The following NT5M variants were observed in gnomAD, a reference collection of about 807,000 sequenced individuals.
NT5M encodes 5',3'-nucleotidase, mitochondrial.
A neutral mutation model predicts 22.2 loss-of-function variants in NT5M; 22 were observed. The ratio of observed to expected loss-of-function variants is 0.99; its 90% CI spans 0.71 to 1.41. The LOEUF (loss-of-function observed/expected upper bound fraction) is 1.41, where lower values mean the gene tolerates loss of function less well. Among genes scored for constraint, NT5M ranks in the 40% most tolerant of loss-of-function variants. The probability of loss-of-function intolerance (pLI) is 0.00; values close to 1 mark genes in which losing one functional copy is unlikely to be tolerated. For missense variants in NT5M, 322 were observed against 314.8 expected (o/e 1.02, Z -0.17); for synonymous variants, 167 against 133.0 (o/e 1.26, Z -1.76).
At chr17:17,310,616 A>G (rs2048903118) in intron 2 of NT5M, among the ~76,000 whole-genome samples, 1 of 152,180 alleles carries the variant, frequency 6.6e-6, no homozygotes, top group South Asian at 2.1e-4. Flanking sequence ...CAGGCAGATC[A>G]CTTGAGCTCA....
At chr17:17,333,950 C>T (rs2049442662) in intron 3 of NT5M, among the ~76,000 whole-genome samples, 1 of 151,874 alleles carries the variant, frequency 6.6e-6, no homozygotes, top group South Asian at 2.1e-4. Context: ...TCTCCTGCCT[C>T]AGCCTCCCGA....
intron 3 of NT5M, among the ~76,000 whole-genome samples, chr17:17,336,424 A>G (rs2049513516): frequency 6.6e-6 from 1 of 151,890 alleles, no homozygotes; most frequent in Non-Finnish European, 1.5e-5. Flanking sequence ...AATTGTTTTA[A>G]TTTTTAGCTC....
intron 3 of NT5M, among the ~76,000 whole-genome samples, chr17:17,335,425 T>G (rs981815184): frequency 6.6e-6 from 1 of 151,838 alleles, no homozygotes; most frequent in Admixed American, 6.6e-5. Context: ...GCCCAGCTAA[T>G]TTTTGGAATA....
intron 3 of NT5M, among the ~76,000 whole-genome samples, chr17:17,336,156 C>T (rs543181539): frequency 1.2e-3 from 182 of 152,058 alleles, no homozygotes; most frequent in Admixed American, 4.9e-3. Context: ...GTGCCCGCCA[C>T]CACGCCCAGC....
chr17:17,321,377 A>G (rs1243211590), intron 2 of NT5M, among the ~76,000 whole-genome samples: 2 of 151,548 alleles, frequency 1.3e-5, no homozygotes, highest in African/African-American at 2.4e-5. Context: ...GAGGGGGAGG[A>G]TCCAGGGCAC....
intron 4 of NT5M, chr17:17,345,363 C>T: frequency 4.4e-6 from 3 of 684,556 alleles, no homozygotes; most frequent in Non-Finnish European, 5.4e-6. Flanking sequence ...AGCCAGTCAA[C>T]CTTGAACTGC....
chr17:17,343,303 G>C (rs1470177788), intron 3 of NT5M, among the ~76,000 whole-genome samples: 1 of 152,154 alleles, frequency 6.6e-6, no homozygotes, highest in African/African-American at 2.4e-5. Context: ...GTTCCAGTCA[G>C]AGGAAATGGC....
chr17:17,311,749 A>G (rs2048926830), intron 2 of NT5M, among the ~76,000 whole-genome samples: 1 of 152,212 alleles, frequency 6.6e-6, no homozygotes, highest in Non-Finnish European at 1.5e-5. Flanking sequence ...GTTGAATCGT[A>G]GACCTTATTT....
At chr17:17,313,868 C>A (rs1427297264) in intron 2 of NT5M, among the ~76,000 whole-genome samples, 1 of 152,130 alleles carries the variant, frequency 6.6e-6, no homozygotes, top group Non-Finnish European at 1.5e-5. Flanking sequence ...GTTGAGCAGA[C>A]GCCCAGGGGA....
At chr17:17,339,361 G>GT (rs1292200843) in intron 3 of NT5M, among the ~76,000 whole-genome samples, 1 of 151,792 alleles carries the variant, frequency 6.6e-6, no homozygotes, top group African/African-American at 2.4e-5. Flanking sequence ...AGTTCTAGTA[G>GT]TTTTTTGGTG....
intron 4 of NT5M, among the ~76,000 whole-genome samples, chr17:17,345,981 C>G (rs538589961): frequency 6.6e-6 from 1 of 152,250 alleles, no homozygotes; most frequent in African/African-American, 2.4e-5. Context: ...TTGACATCCT[C>G]CTCCTGGTAG....
intron 2 of NT5M, among the ~76,000 whole-genome samples, chr17:17,322,267 T>C (rs1182569331): frequency 6.6e-6 from 1 of 151,988 alleles, no homozygotes; most frequent in Non-Finnish European, 1.5e-5. Flanking sequence ...GAAGGAGCAG[T>C]GGAGAAGGCA....
intron 3 of NT5M, 120 bp downstream of exon 3, chr17:17,323,365 A>T (rs1174867845): frequency 4.7e-6 from 4 of 846,060 alleles, no homozygotes; most frequent in Non-Finnish European, 8.1e-6. Flanking sequence ...CCTCTGTGAC[A>T]GCGGCTTTCT....
At chr17:17,342,357 C>A (rs955765818) in intron 3 of NT5M, among the ~76,000 whole-genome samples, 3 of 152,148 alleles carry the variant, frequency 2.0e-5, no homozygotes, top group African/African-American at 7.2e-5. Context: ...CGTGGCACAT[C>A]ATTTTCCCAC....
At chr17:17,322,082 T>C (rs917775945) in intron 2 of NT5M, among the ~76,000 whole-genome samples, 3 of 152,028 alleles carry the variant, frequency 2.0e-5, no homozygotes, top group South Asian at 2.1e-4. Flanking sequence ...CACACACATA[T>C]ATGTGGACAT....
At chr17:17,342,116 C>G (rs546578295) in intron 3 of NT5M, among the ~76,000 whole-genome samples, 1 of 152,162 alleles carries the variant, frequency 6.6e-6, no homozygotes, top group Non-Finnish European at 1.5e-5. Flanking sequence ...TATAAAACTT[C>G]TGCTCTTCAA....
At chr17:17,315,381 A>C (rs920057379) in intron 2 of NT5M, among the ~76,000 whole-genome samples, 5 of 152,226 alleles carry the variant, frequency 3.3e-5, no homozygotes, top group African/African-American at 1.2e-4. Flanking sequence ...AGGGAAGATG[A>C]CAACATATAA....
rs1338541063 is a variant in NT5M at position 17,347,083 on chromosome 17, C to A, written c.*136C>A. 1.7e-6 allele frequency: 2 copies of A among 1,143,042 alleles called. No individual in the cohort carries two copies. The highest frequency in any genetic ancestry group is 2.4e-6 in the Non-Finnish European group (2 of 825,384). The allele number at this position is 1,143,042 out of a possible 1,614,324, so 70.8% of individuals were successfully genotyped here. On this transcript the variant is annotated 3_prime_UTR_variant, in exon 5 of 5. Coordinates refer to ENST00000389022, the MANE Select transcript of NT5M (RefSeq NM_020201.4). ...CATGACCTCCTGCTGCATGTCCCTTCCCTTCCCCAGCCCTGCCAGGCCTTA... is the reference window on the plus strand; with the variant it reads ...CATGACCTCCTGCTGCATGTCCCTTACCTTCCCCAGCCCTGCCAGGCCTTA...
intron 3 of NT5M, among the ~76,000 whole-genome samples, chr17:17,328,205 G>A (rs953506960): frequency 1.3e-5 from 2 of 152,184 alleles, no homozygotes; most frequent in African/African-American, 4.8e-5. Context: ...ACAAACACAT[G>A]AAGACAGGAA....
Sources: allele counts gnomAD v4.1 joint callset (sites outside exome capture counted in the v4.1 genomes callset), GRCh38; gene constraint gnomAD v4.1.1; transcripts MANE v1.5; gene names NCBI Gene and HGNC (gene_info 2026-07-23, HGNC 2026-07-21).